ALDH1A1: variants seen among roughly 807,000 people sequenced by gnomAD.
ALDH1A1 encodes aldehyde dehydrogenase 1 family member A1, also known as aldehyde dehydrogenase 1A1.
Under a neutral mutation model 62.1 loss-of-function variants are expected in ALDH1A1, and 19 were observed. The ratio of observed to expected loss-of-function variants is 0.31; its 90% CI spans 0.21 to 0.45. The LOEUF (loss-of-function observed/expected upper bound fraction) is 0.45. Among genes scored for constraint, ALDH1A1 ranks in the 20% least tolerant of loss-of-function variants. The pLI is 1.00. For missense variants in ALDH1A1, 521 were observed against 607.1 expected, an observed-to-expected ratio of 0.86 and a Z score of 1.49; for synonymous variants, 231 against 215.9, an observed-to-expected ratio of 1.07 and a Z score of -0.61.
intron 10 of ALDH1A1, among the ~76,000 whole-genome samples, 156 bp from the exon 11 acceptor site, chr9:72,909,915 A>G (rs1365489026): frequency 6.6e-6 from 1 of 152,210 alleles, no homozygotes; most frequent in Non-Finnish European, 1.5e-5. Context: ...GGTAACTGCA[A>G]AAATGGTAGG....
chr9:72,904,720 A>T (rs1829853398), intron 12 of ALDH1A1, among the ~76,000 whole-genome samples: 1 of 152,104 alleles, frequency 6.6e-6, no homozygotes, highest in Non-Finnish European at 1.5e-5. Context: ...GGTTAGAGAG[A>T]TGCCATCCTG....
intron 1 of ALDH1A1, chr9:72,942,376 C>A (rs1830424800): frequency 1.0e-6 from 1 of 985,128 alleles, no homozygotes; most frequent in South Asian, 4.7e-5. Flanking sequence ...TGCACACTGT[C>A]CCCCAGCCCT....
At chr9:72,936,994 C>T (rs186997) in intron 2 of ALDH1A1, among the ~76,000 whole-genome samples, 136,211 of 152,094 alleles carry the variant, frequency 0.9, 61,886 homozygotes, top group East Asian at 0.99. Flanking sequence ...TGCAGTGAAA[C>T]CTAGGGGAAG....
At chr9:72,931,132 C>T in intron 2 of ALDH1A1, 113 bp from the exon 3 acceptor site, 1 of 1,163,142 alleles carries the variant, frequency 8.6e-7, no homozygotes, top group Non-Finnish European at 1.2e-6. Context: ...CACTGTGTCT[C>T]CATTATCCCA....
chr9:72,901,945 T>G (rs2118467776), intron 12 of ALDH1A1, among the ~76,000 whole-genome samples: 1 of 152,228 alleles, frequency 6.6e-6, no homozygotes, highest in South Asian at 2.1e-4. Flanking sequence ...AACAAAAACA[T>G]GACCTTTATT....
At chr9:72,949,098 G>A (rs981530620) in intron 1 of ALDH1A1, among the ~76,000 whole-genome samples, 2 of 151,874 alleles carry the variant, frequency 1.3e-5, no homozygotes, top group South Asian at 2.1e-4. Context: ...AACCAAAATC[G>A]ATTCCATAGG....
chr9:72,928,911 C>G lies in ALDH1A1; in HGVS notation c.423G>C (p.Gln141His). ...ACTTACCAATTGGTATTGTACGGCC[C>G]TGGATCTTGTCAGCCCAACCTGCAC... ...RYCAGWADKI[Q>H]GRTIPIDGNF... Residue 141 changes from glutamine (Q) to histidine (H), a missense_variant, in exon 4 of 13, where the codon CAG (glutamine) becomes CAC (histidine). By Grantham distance (24) the Gln-to-His change is conservative (BLOSUM62 0). Transcript: ENST00000297785. 1 of 1,613,928 alleles carries G rather than the reference C, an allele frequency of 6.2e-7. No homozygotes were observed. The highest frequency in any genetic ancestry group is 8.5e-7 in the Non-Finnish European group (1 of 1,179,880).
chr9:72,906,231 A>G (rs1287692089), intron 11 of ALDH1A1, among the ~76,000 whole-genome samples, 199 bp from the exon 12 acceptor site: 2 of 152,184 alleles, frequency 1.3e-5, no homozygotes, highest in Admixed American at 6.5e-5. Flanking sequence ...AACAAATAGA[A>G]TAGTGCAACT....
chr9:72,940,071 C>T, intron 2 of ALDH1A1, 77 bp downstream of exon 2: 2 of 1,055,080 alleles, frequency 1.9e-6, no homozygotes, highest in Non-Finnish European at 1.4e-6. Context: ...TTGGAGCTTG[C>T]AATGGGGTTC....
chr9:72,905,630 C>T (rs1488246068), intron 12 of ALDH1A1, among the ~76,000 whole-genome samples: 1 of 152,082 alleles, frequency 6.6e-6, no homozygotes, highest in Non-Finnish European at 1.5e-5. Context: ...TAGTTTCCAC[C>T]TCTTTTCTGG....
At position 72,901,300 on chromosome 9, in the gene ALDH1A1, A is replaced by G; in HGVS notation, c.1434-20T>C. On this transcript the variant is annotated intron_variant, in intron 12 of 12. Transcript: ENST00000297785. ...TCTCCCCTAGAGAGAAGAAAAACATACCCACAAACACCATTTAGCACAGCA... is the reference window on the plus strand; with the variant it reads ...TCTCCCCTAGAGAGAAGAAAAACATGCCCACAAACACCATTTAGCACAGCA... 6.6e-7 allele frequency: 1 copy of G among 1,526,364 alleles called. No individual in the cohort carries two copies. The highest frequency in any genetic ancestry group is 1.4e-5 in the African/African-American group (1 of 73,140). 94.6% of individuals were successfully genotyped at this position (1,526,364 alleles called of 1,614,324 possible).
At chr9:72,940,373 T>C (rs1334693882) in intron 1 of ALDH1A1, 121 bp from the exon 2 acceptor site, 7 of 696,986 alleles carry the variant, frequency 1.0e-5, no homozygotes, top group Non-Finnish European at 1.2e-5. Flanking sequence ...TCTTCACCTC[T>C]CAAAACTTTC....
At chr9:72,942,329 T>C (rs1452479349) in intron 1 of ALDH1A1, 8 of 985,250 alleles carry the variant, frequency 8.1e-6, no homozygotes, top group Non-Finnish European at 9.6e-6. Flanking sequence ...TCTCTAGCTT[T>C]ATGCTGCTCT....
At chr9:72,927,202 A>G (rs751610417) in intron 4 of ALDH1A1, 25 bp from the exon 5 acceptor site, 130 of 1,512,808 alleles carry the variant, frequency 8.6e-5, no homozygotes, top group South Asian at 1.2e-4. Flanking sequence ...ACACACAATC[A>G]TATATAAACA....
intron 4 of ALDH1A1, among the ~76,000 whole-genome samples, chr9:72,927,913 G>A (rs1830230870): frequency 6.6e-6 from 1 of 151,530 alleles, no homozygotes; most frequent in Non-Finnish European, 1.5e-5. Context: ...GTCATCCAGA[G>A]AGATACATTA....
intron 1 of ALDH1A1, among the ~76,000 whole-genome samples, chr9:72,941,080 C>G (rs1485425023): frequency 6.6e-6 from 1 of 152,154 alleles, no homozygotes; most frequent in Admixed American, 6.6e-5. Context: ...TAAATACAGT[C>G]TTGGATAGTA....
chr9:72,910,769 T>C (rs1416494811), intron 10 of ALDH1A1, among the ~76,000 whole-genome samples: 2 of 152,134 alleles, frequency 1.3e-5, no homozygotes, highest in African/African-American at 2.4e-5. Context: ...GATTTAAATG[T>C]TAGAAGGGAG....
intron 1 of ALDH1A1, among the ~76,000 whole-genome samples, chr9:72,950,949 A>G (rs1830537333): frequency 6.6e-6 from 1 of 151,924 alleles, no homozygotes; most frequent in African/African-American, 2.4e-5. Flanking sequence ...GGCATTTGAA[A>G]AAGTTCACCC....
chr9:72,942,318 A>G (rs1830423778), intron 1 of ALDH1A1: 3 of 985,242 alleles, frequency 3.0e-6, no homozygotes, highest in Non-Finnish European at 3.6e-6. Context: ...GCTCACTGTC[A>G]TCTCTAGCTT....
Sources: gnomAD v4.1 joint callset for allele counts (sites outside exome capture counted in the v4.1 genomes callset) on GRCh38, gnomAD v4.1.1 for gene constraint, MANE v1.5 for transcripts, NCBI Gene and HGNC (gene_info 2026-07-23, HGNC 2026-07-21) for gene names.